The following FAM184A variants were observed in gnomAD, a reference collection of about 807,000 sequenced individuals.
FAM184A encodes the protein protein FAM184A.
FAM184A carries 99 observed loss-of-function variants against 143.8 expected under a neutral mutation model. That is an observed-to-expected ratio of 0.69 (90% CI 0.58 to 0.81). The LOEUF (loss-of-function observed/expected upper bound fraction) is 0.81, where lower values mean the gene tolerates loss of function less well. Ranked by LOEUF, FAM184A falls within the 40% of genes least tolerant of loss-of-function variation. The probability of loss-of-function intolerance (pLI) is 0.00; values close to 1 mark genes in which losing one functional copy is unlikely to be tolerated. For missense variants in FAM184A, 1,217 were observed against 1,310.5 expected, an observed-to-expected ratio of 0.93 and a Z score of 1.10; for synonymous variants, 427 against 446.4, an observed-to-expected ratio of 0.96 and a Z score of 0.55.
chr6:119,122,583 C>G (rs1176248996), intron 1 of FAM184A, among the ~76,000 whole-genome samples: 1 of 152,098 alleles, frequency 6.6e-6, no homozygotes, highest in African/African-American at 2.4e-5. Flanking sequence ...AAAGGAGAAA[C>G]GTGCACATGC....
At chr6:119,121,612 G>A (rs1488454779) in intron 1 of FAM184A, among the ~76,000 whole-genome samples, 1 of 152,138 alleles carries the variant, frequency 6.6e-6, no homozygotes, top group Non-Finnish European at 1.5e-5. Context: ...AAATATTTTA[G>A]CAGCACTGAC....
At chr6:118,969,336 TA>T (rs1242616746) in intron 14 of FAM184A, among the ~76,000 whole-genome samples, 2 of 152,250 alleles carry the variant, frequency 1.3e-5, no homozygotes, top group African/African-American at 4.8e-5. Context: ...CAAAAATGTT[TA>T]ATAAGAAAAA....
intron 1 of FAM184A, among the ~76,000 whole-genome samples, chr6:119,133,258 T>G (rs1789582512): frequency 6.6e-6 from 1 of 152,178 alleles, no homozygotes; most frequent in Admixed American, 6.5e-5. Flanking sequence ...TAGGCTTTTT[T>G]GGTGTGAGTT....
intron 1 of FAM184A, among the ~76,000 whole-genome samples, chr6:119,094,646 G>A (rs897407149): frequency 2.0e-5 from 3 of 152,128 alleles, no homozygotes; most frequent in African/African-American, 7.2e-5. Flanking sequence ...GTCTTAGTTT[G>A]GGTCCACCCA....
In FAM184A at chr6:119,106,285, A is replaced by G. The variant is rs1349431518; in HGVS notation, c.-202+42793T>C. On this transcript the variant is annotated intron_variant, in intron 1 of 16. Coordinates refer to the FAM184A transcript ENST00000352896. Reference sequence around the variant, plus strand: ...TGCGCGCCTGTAGCCCCAGCTACTCAGGAGGCTGAGACGGGAGAATGGCTT... The same window carrying G: ...TGCGCGCCTGTAGCCCCAGCTACTCGGGAGGCTGAGACGGGAGAATGGCTT... 7.0e-5 allele frequency among the ~76,000 whole-genome samples: 10 copies of G among 142,006 alleles called. No individual in the cohort carries two copies. In the Admixed American group the frequency reaches 7.4e-4, roughly 11 times the overall value. 93.2% of individuals were successfully genotyped at this position (142,006 alleles called of 152,430 possible). A position where few individuals can be genotyped will look rare whatever the true frequency, so the allele number is the denominator to read the frequency against.
intron 5 of FAM184A, among the ~76,000 whole-genome samples, chr6:119,013,944 T>G (rs1382558289): frequency 6.6e-6 from 1 of 152,208 alleles, no homozygotes; most frequent in Non-Finnish European, 1.5e-5. Context: ...AAGGTATATA[T>G]AAAAAAGCTC....
chr6:119,052,831 C>T (rs903950059), intron 1 of FAM184A, among the ~76,000 whole-genome samples: 2 of 152,196 alleles, frequency 1.3e-5, no homozygotes, highest in Non-Finnish European at 2.9e-5. Context: ...TCTAAATACA[C>T]TGAGTTGTCT....
intron 1 of FAM184A, among the ~76,000 whole-genome samples, chr6:119,035,266 T>G (rs2114716451): frequency 6.6e-6 from 1 of 152,184 alleles, no homozygotes; most frequent in Admixed American, 6.5e-5. Context: ...CCTGATAAAC[T>G]AGTTCAGGCT....
intron 1 of FAM184A, among the ~76,000 whole-genome samples, chr6:119,112,573 C>CT (rs1249868026): frequency 6.6e-6 from 1 of 152,154 alleles, no homozygotes; most frequent in Non-Finnish European, 1.5e-5. Flanking sequence ...CTCCTTTATC[C>CT]TTTTCACTTT....
At chr6:119,029,647 A>G (rs749249288) in intron 1 of FAM184A, among the ~76,000 whole-genome samples, 1 of 152,200 alleles carries the variant, frequency 6.6e-6, no homozygotes, top group African/African-American at 2.4e-5. Context: ...TTTAAAAAGA[A>G]AAATGTACAA....
Position 119,078,359 on chromosome 6 carries a change from C to A in FAM184A, c.-60G>T, listed in dbSNP as rs1787955958. ...CGCGGGTGGAGGCAGGCCCGTGGAG[C>A]AACGACGCCCGGGAGGCAAGAGTCG... On this transcript the variant is annotated 5_prime_UTR_variant, in exon 1 of 18. Transcript: ENST00000338891. This position sits in a 1 kb window ranked among gnomAD's most constrained non-coding sequence, Gnocchi z 5.5. 1 of 1,361,764 alleles carries A rather than the reference C, an allele frequency of 7.3e-7. No homozygotes were observed. Among genetic ancestry groups the A allele is most frequent in the Non-Finnish European group, 9.4e-7 (1 of 1,060,100 alleles). The allele number at this position is 1,361,764 out of a possible 1,614,324, so 84.4% of individuals were successfully genotyped here.
chr6:118,984,137 C>T (rs1409226446), intron 9 of FAM184A, among the ~76,000 whole-genome samples: 6 of 118,224 alleles, frequency 5.1e-5, no homozygotes, highest in South Asian at 2.7e-4. Context: ...GCAATGATAA[C>T]GAAACTCCAT....
At chr6:119,091,154 A>G (rs1352890460) in intron 1 of FAM184A, among the ~76,000 whole-genome samples, 2 of 152,198 alleles carry the variant, frequency 1.3e-5, no homozygotes, top group Admixed American at 6.5e-5. Flanking sequence ...ACGTATTGAT[A>G]CAAGTCATTT....
intron 1 of FAM184A, among the ~76,000 whole-genome samples, chr6:119,052,692 A>AG (rs1786812307): frequency 6.6e-6 from 1 of 152,232 alleles, no homozygotes; most frequent in Admixed American, 6.5e-5. Context: ...GCTGGCAGCC[A>AG]CTTTCACCAA....
chr6:119,001,719 T>G (rs9489576), intron 9 of FAM184A, among the ~76,000 whole-genome samples: 28,346 of 152,192 alleles, frequency 0.19, 3,196 homozygotes, highest in Non-Finnish European at 0.26. Flanking sequence ...CTGTCTATGT[T>G]CAATACTTTC....
chr6:119,147,537 T>G (rs187988151), intron 1 of FAM184A, among the ~76,000 whole-genome samples: 1 of 152,250 alleles, frequency 6.6e-6, no homozygotes, highest in Non-Finnish European at 1.5e-5. Context: ...CCAGACCACA[T>G]GTAAAAATAG....
At chr6:119,019,397 A>G (rs1204526192) in intron 4 of FAM184A, among the ~76,000 whole-genome samples, 1 of 152,226 alleles carries the variant, frequency 6.6e-6, no homozygotes, top group Non-Finnish European at 1.5e-5. Context: ...AATGAATGGA[A>G]GTAAGTAAAG....
At chr6:118,983,145 T>C (rs992532537) in intron 9 of FAM184A, among the ~76,000 whole-genome samples, 1 of 152,214 alleles carries the variant, frequency 6.6e-6, no homozygotes, top group African/African-American at 2.4e-5. Context: ...ATGTGAATTA[T>C]ATGCAGAAAG....
chr6:119,019,873 TGTATTGTTACTGGGGA>T, intron 4 of FAM184A, 89 bp downstream of exon 4: 1 of 1,005,540 alleles, frequency 9.9e-7, no homozygotes, highest in African/African-American at 1.6e-5. Context: ...AAGTAGGAAA[TGTATTGTTACTGGGGA>T]GTAGCAAGAA....
Sources: gnomAD v4.1 joint callset for allele counts (sites outside exome capture counted in the v4.1 genomes callset) on GRCh38, gnomAD v4.1.1 for gene constraint, Gnocchi (gnomAD v3.1) non-coding constraint, MANE v1.5 for transcripts, NCBI Gene and HGNC (gene_info 2026-07-23, HGNC 2026-07-21) for gene names.